The following METTL9 variants were observed in gnomAD, a reference collection of about 807,000 sequenced individuals.
METTL9 encodes the protein protein-L-histidine N-pros-methyltransferase.
A neutral mutation model predicts 36.0 loss-of-function variants in METTL9; 10 were observed. The observed-to-expected ratio is 0.28, with a 90% CI of 0.17 to 0.47. The LOEUF (loss-of-function observed/expected upper bound fraction) is 0.47, where lower values mean the gene tolerates loss of function less well. METTL9 is among the 20% of genes least tolerant of loss of function. The pLI is 0.99. For synonymous variants in METTL9, 175 were observed against 149.7 expected (o/e 1.17, Z -1.23); for missense variants, 246 against 383.5 (o/e 0.64, Z 3.00).
intron 1 of METTL9, among the ~76,000 whole-genome samples, chr16:21,611,760 G>T (rs764791693): frequency 6.6e-6 from 1 of 152,182 alleles, no homozygotes; most frequent in Non-Finnish European, 1.5e-5. Context: ...CATAGGAAGG[G>T]CAGAGCCGGG....
intron 4 of METTL9, among the ~76,000 whole-genome samples, chr16:21,636,823 C>G (rs1380450864): frequency 1.3e-5 from 2 of 152,110 alleles, no homozygotes; most frequent in Non-Finnish European, 2.9e-5. Context: ...AGTATTTAGC[C>G]CCCGAACTCT....
chr16:21,655,380 A>G lies in METTL9; in HGVS notation c.905A>G (p.Tyr302Cys). 6.2e-7 allele frequency: 1 copy of G among 1,614,214 alleles called. No individual in the cohort carries two copies. The highest frequency in any genetic ancestry group is 8.5e-7 in the Non-Finnish European group (1 of 1,180,028). ...CCATACCTGTGTGAAGGCGACATGTATAATGACTACTACGTTCTGGATGAC... is the reference window on the plus strand; with the variant it reads ...CCATACCTGTGTGAAGGCGACATGTGTAATGACTACTACGTTCTGGATGAC... Reference protein sequence around the residue: ...RLPYLCEGDMYNDYYVLDDAV... With the variant: ...RLPYLCEGDMCNDYYVLDDAV... Residue 302 changes from tyrosine to cysteine, a missense_variant, in exon 5 of 5, where the codon TAT becomes TGT. By Grantham distance (194) the Tyr-to-Cys change is radical. Transcript: ENST00000358154.
intron 3 of METTL9, among the ~76,000 whole-genome samples, chr16:21,620,994 C>T (rs926090121): frequency 1.3e-5 from 2 of 151,718 alleles, no homozygotes; most frequent in African/African-American, 4.8e-5. Flanking sequence ...TTTTTAGAGA[C>T]GGGTCTCTCT....
intron 4 of METTL9, chr16:21,647,014 C>G: frequency 7.6e-7 from 1 of 1,323,936 alleles, no homozygotes; most frequent in Non-Finnish European, 1.1e-6. Flanking sequence ...ACACCCATCA[C>G]TGGCTAGGGT....
chr16:21,631,214 G>A (rs1965952615), intron 4 of METTL9, among the ~76,000 whole-genome samples: 1 of 152,150 alleles, frequency 6.6e-6, no homozygotes, highest in African/African-American at 2.4e-5. Context: ...CTATAAATAG[G>A]GGTATTAGTT....
At chr16:21,643,243 C>G (rs1244677690) in intron 4 of METTL9, 1 of 951,704 alleles carries the variant, frequency 1.1e-6, no homozygotes, top group Non-Finnish European at 1.7e-6. Flanking sequence ...TGCTCTATTG[C>G]CACCGGTCCC....
chr16:21,618,569 A>C (rs542018184), intron 3 of METTL9, among the ~76,000 whole-genome samples: 2 of 152,134 alleles, frequency 1.3e-5, no homozygotes, highest in African/African-American at 2.4e-5. Context: ...CCACCATTCT[A>C]CTTTGTCTAT....
At chr16:21,621,021 A>G (rs912639943) in intron 3 of METTL9, among the ~76,000 whole-genome samples, 1 of 151,944 alleles carries the variant, frequency 6.6e-6, no homozygotes, top group Non-Finnish European at 1.5e-5. Flanking sequence ...CCTGGGCTAG[A>G]GCATGTGGCG....
At chr16:21,652,367 T>TA (rs1445852427) in intron 4 of METTL9, 3 of 492,624 alleles carry the variant, frequency 6.1e-6, no homozygotes, top group Non-Finnish European at 1.1e-5. Context: ...GCTATTTTTT[T>TA]ATTGTCTATT....
intron 4 of METTL9, among the ~76,000 whole-genome samples, chr16:21,627,895 G>A (rs1236185960): frequency 1.3e-5 from 2 of 152,162 alleles, no homozygotes; most frequent in African/African-American, 4.8e-5. Context: ...GGAGCTTGCC[G>A]TGAGCCGAGA....
At chr16:21,627,184 T>A (rs1167058686) in intron 4 of METTL9, 1 of 985,272 alleles carries the variant, frequency 1.0e-6, no homozygotes, top group African/African-American at 1.7e-5. Flanking sequence ...CCTGATGATT[T>A]CCATGTGAAA....
chr16:21,613,168 C>CTTTTTTTTTTTTTTTTTTTTTTT (rs57388340), intron 2 of METTL9, among the ~76,000 whole-genome samples: 3 of 91,426 alleles, frequency 3.3e-5, no homozygotes, highest in African/African-American at 1.6e-4. Flanking sequence ...TGAGAGTCTG[C>CTTTTTTTTTTTTTTTTTTTTTTT]TTTTTTTTTT....
rs192750978 is a variant in METTL9 at position 21,627,369 on chromosome 16, T to C, written c.751+2254T>C. Reference sequence around the variant, plus strand: ...ATTGTTTTGGTAAATGGCTTGAAGTTGAACCACAGCAGTTTTGCTATTTGG... The same window carrying C: ...ATTGTTTTGGTAAATGGCTTGAAGTCGAACCACAGCAGTTTTGCTATTTGG... On this transcript the variant is annotated intron_variant, in intron 4 of 4. Transcript: ENST00000358154. 4.8e-5 allele frequency: 47 copies of C among 985,258 alleles called. 1 individual carries two copies. In the East Asian group the frequency reaches 5.1e-3, roughly 107 times the overall value. 61.0% of individuals were successfully genotyped at this position (985,258 alleles called of 1,614,324 possible). A position where few individuals can be genotyped will look rare whatever the true frequency, so the allele number is the denominator to read the frequency against.
rs917366423 is a variant in METTL9 at position 21,655,857 on chromosome 16, T to G, written c.*425T>G. The G allele has an allele frequency of 1.8e-4, 28 of 156,684 alleles. No homozygotes were observed. Among genetic ancestry groups the G allele is most frequent in the Admixed American group, 5.7e-4 (9 of 15,700 alleles). The allele number at this position is 156,684 out of a possible 1,614,324, so 9.7% of individuals were successfully genotyped here. A position where few individuals can be genotyped will look rare whatever the true frequency, so the allele number is the denominator to read the frequency against. On this transcript the variant is annotated 3_prime_UTR_variant, in exon 5 of 5. Transcript: ENST00000358154. ...TGGTTTTAAGGTATAGCCACTGATA[T>G]TCTTTCATGTTTAGAAATTCTTTCT...
intron 1 of METTL9, among the ~76,000 whole-genome samples, chr16:21,606,399 T>C (rs750255205): frequency 1.3e-5 from 2 of 151,872 alleles, no homozygotes; most frequent in African/African-American, 4.8e-5. Context: ...AAGGATACAA[T>C]TGGGGAACGG....
chr16:21,622,103 A>G (rs1233015455), intron 3 of METTL9, among the ~76,000 whole-genome samples: 1 of 138,458 alleles, frequency 7.2e-6, no homozygotes, highest in Non-Finnish European at 1.5e-5. Context: ...TGGCCTCCCA[A>G]AGTGCTAGGA....
At chr16:21,599,205 G>A (rs2152891523), upstream of METTL9, among the ~76,000 whole-genome samples, 1 of 152,294 alleles carries the variant, frequency 6.6e-6, no homozygotes, top group East Asian at 1.9e-4. The surrounding 1 kb of genome is among the most constrained non-coding windows in gnomAD (Gnocchi z 4.4). Context: ...AGGTAACCCT[G>A]TCAAAGTCCC....
intron 4 of METTL9, among the ~76,000 whole-genome samples, chr16:21,636,985 C>T (rs1036116433): frequency 7.9e-5 from 12 of 152,142 alleles, no homozygotes; most frequent in African/African-American, 2.9e-4. Context: ...GTCTCGCTGA[C>T]TTCAGGAGTG....
chr16:21,655,119 T>A, intron 4 of METTL9, 108 bp from the exon 5 acceptor site: 1 of 954,714 alleles, frequency 1.0e-6, no homozygotes. Flanking sequence ...CATGAAGCCC[T>A]CAGGCTTGGA....
Sources: allele counts gnomAD v4.1 joint callset (sites outside exome capture counted in the v4.1 genomes callset), GRCh38; gene constraint gnomAD v4.1.1; non-coding constraint Gnocchi (gnomAD v3.1); transcripts MANE v1.5; gene names NCBI Gene and HGNC (gene_info 2026-07-23, HGNC 2026-07-21).